Variants in IRAG2 observed in about 807,000 individuals in gnomAD.
IRAG2 encodes inositol 1,4,5-triphosphate receptor associated 2, also known as lymphoid restricted membrane protein.
A neutral mutation model predicts 69.9 loss-of-function variants in IRAG2; 45 were observed. That is an observed-to-expected ratio of 0.64 (90% CI 0.51 to 0.83). The LOEUF (loss-of-function observed/expected upper bound fraction) is 0.83, where lower values mean the gene tolerates loss of function less well. Among genes scored for constraint, IRAG2 ranks in the 40% least tolerant of loss-of-function variants. The pLI is 0.00. For synonymous variants in IRAG2, 193 were observed against 202.4 expected, an observed-to-expected ratio of 0.95 and a Z score of 0.40; for missense variants, 520 against 587.0, an observed-to-expected ratio of 0.89 and a Z score of 1.18.
At chr12:25,083,520 A>C (rs1440163561) in intron 10 of IRAG2, 27 bp downstream of exon 10, 1 of 1,394,730 alleles carries the variant, frequency 7.2e-7, no homozygotes, top group East Asian at 2.3e-5. Context: ...GTTCACAACA[A>C]AGGTGGTGGT....
intron 1 of IRAG2, among the ~76,000 whole-genome samples, chr12:25,057,499 T>C (rs943038107): frequency 6.6e-6 from 1 of 152,080 alleles, no homozygotes; most frequent in African/African-American, 2.4e-5. Flanking sequence ...GCTCAAGCAA[T>C]CCTCCTGCCT....
At chr12:25,089,386 A>G (rs985684480) in intron 11 of IRAG2, among the ~76,000 whole-genome samples, 2 of 124,230 alleles carry the variant, frequency 1.6e-5, no homozygotes, top group Non-Finnish European at 3.7e-5. Flanking sequence ...ATCTTTAAGT[A>G]TGAAAGACTA....
intron 1 of IRAG2, among the ~76,000 whole-genome samples, chr12:25,059,267 G>C (rs1295494966): frequency 8.5e-6 from 1 of 118,112 alleles, no homozygotes; most frequent in East Asian, 3.5e-4. Flanking sequence ...AGTTAAGACA[G>C]AATTTTTTAA....
chr12:25,097,233 T>C (rs1159175964), intron 15 of IRAG2, among the ~76,000 whole-genome samples, 189 bp downstream of exon 15: 2 of 112,898 alleles, frequency 1.8e-5, no homozygotes, highest in African/African-American at 1.1e-4. Context: ...GTTAAAAAAA[T>C]ATAATACGAT....
chr12:25,031,882 G>T (rs1304448683), intron 10 of IRAG2, among the ~76,000 whole-genome samples: 2 of 152,094 alleles, frequency 1.3e-5, no homozygotes, highest in Admixed American at 1.3e-4. Flanking sequence ...GGCTGGTCTG[G>T]ACCTCCCGAC....
intron 6 of IRAG2, among the ~76,000 whole-genome samples, chr12:25,017,799 T>G (rs910465415): frequency 6.6e-6 from 1 of 152,162 alleles, no homozygotes; most frequent in African/African-American, 2.4e-5. Context: ...CCAGGATATT[T>G]TCACCACTCC....
At chr12:25,001,306 GT>G (rs1302013807), upstream of IRAG2, among the ~76,000 whole-genome samples, 1 of 151,996 alleles carries the variant, frequency 6.6e-6, no homozygotes, top group African/African-American at 2.4e-5. Context: ...AATGCTAAGT[GT>G]GATGGTGCAC....
chr12:25,028,298 A>G (rs1944640678), intron 9 of IRAG2, among the ~76,000 whole-genome samples: 1 of 152,210 alleles, frequency 6.6e-6, no homozygotes, highest in Non-Finnish European at 1.5e-5. Context: ...ACATTCCACC[A>G]GCAGTGCATG....
At chr12:25,037,657 G>T (rs558057651) in intron 15 of IRAG2, among the ~76,000 whole-genome samples, 1 of 152,174 alleles carries the variant, frequency 6.6e-6, no homozygotes, top group Non-Finnish European at 1.5e-5. Flanking sequence ...GTCCCATCCT[G>T]TTCTAAAGCA....
intron 2 of IRAG2, among the ~76,000 whole-genome samples, chr12:25,005,748 AT>A (rs1467564897): frequency 6.6e-6 from 1 of 152,136 alleles, no homozygotes; most frequent in African/African-American, 2.4e-5. Flanking sequence ...TTTAATTTTT[AT>A]TTTTGAGATG....
intron 1 of IRAG2, among the ~76,000 whole-genome samples, chr12:25,056,299 G>A (rs567885685): frequency 2.4e-4 from 37 of 152,298 alleles, no homozygotes; most frequent in African/African-American, 8.4e-4. Flanking sequence ...AAGATAGAAG[G>A]TTTTGGGGTG....
At chr12:25,063,310 C>T (rs991283575) in intron 3 of IRAG2, among the ~76,000 whole-genome samples, 1 of 152,180 alleles carries the variant, frequency 6.6e-6, no homozygotes, top group African/African-American at 2.4e-5. Flanking sequence ...CCTTGGCCTC[C>T]CAAAGTGCTG....
intron 9 of IRAG2, among the ~76,000 whole-genome samples, chr12:25,080,161 A>ATAT (rs1053507388): frequency 4.6e-5 from 7 of 152,108 alleles, no homozygotes; most frequent in Non-Finnish European, 1.0e-4. Context: ...GCAATTAGCA[A>ATAT]TGGTCCACCC....
intron 9 of IRAG2, among the ~76,000 whole-genome samples, chr12:25,083,023 C>A (rs780903867): frequency 6.6e-6 from 1 of 152,018 alleles, no homozygotes; most frequent in African/African-American, 2.4e-5. Context: ...TTGTTATCAG[C>A]CTTGCAAATA....
chr12:25,020,920 T>G (rs1240392473), intron 7 of IRAG2: 1 of 1,179,796 alleles, frequency 8.5e-7, no homozygotes, highest in African/African-American at 1.6e-5. Flanking sequence ...AAGTCATCTA[T>G]TATAGTACTT....
At chr12:25,014,866 G>A (rs1434203882) in intron 3 of IRAG2, among the ~76,000 whole-genome samples, 1 of 150,766 alleles carries the variant, frequency 6.6e-6, no homozygotes, top group Non-Finnish European at 1.5e-5. Flanking sequence ...ATCATACGCT[G>A]CCTGTGAGTT....
chr12:25,108,334 C>G lies in IRAG2; in HGVS notation c.*274C>G, dbSNP rs859147. ...TGAAATAAAGAATCATTTAAATCTTCATAGAGTGAAAGCTGAAATTCTTAA... is the reference window on the plus strand; with the variant it reads ...TGAAATAAAGAATCATTTAAATCTTGATAGAGTGAAAGCTGAAATTCTTAA... On this transcript the variant is annotated 3_prime_UTR_variant, in exon 22 of 22. Transcript: ENST00000556887. 0.02 allele frequency: 10,725 copies of G among 540,518 alleles called. 779 individuals carry two copies. Among genetic ancestry groups the G allele is most frequent in the African/African-American group, 0.16 (8,498 of 52,304 alleles). 33.5% of individuals were successfully genotyped at this position (540,518 alleles called of 1,614,324 possible).
At chr12:25,077,273 A>ATATGATATATATG (rs1260998180) in intron 6 of IRAG2, among the ~76,000 whole-genome samples, 2 of 32,854 alleles carry the variant, frequency 6.1e-5, no homozygotes, top group African/African-American at 2.0e-4. Context: ...TGAAATATAT[A>ATATGATATATATG]TGAAATATAT....
At chr12:25,014,700 G>C (rs1414585008) in intron 3 of IRAG2, among the ~76,000 whole-genome samples, 1 of 151,838 alleles carries the variant, frequency 6.6e-6, no homozygotes, top group Non-Finnish European at 1.5e-5. Flanking sequence ...ATGAGAAAGG[G>C]AAAATGTATC....
Sources: allele counts gnomAD v4.1 joint callset (sites outside exome capture counted in the v4.1 genomes callset), GRCh38; gene constraint gnomAD v4.1.1; transcripts MANE v1.5; gene names NCBI Gene and HGNC (gene_info 2026-07-23, HGNC 2026-07-21).